PCDHGA2: variants seen among roughly 807,000 people sequenced by gnomAD.
PCDHGA2 encodes the protein protocadherin gamma-A2.
Under a neutral mutation model 59.2 loss-of-function variants are expected in PCDHGA2, and 40 were observed. The observed-to-expected ratio is 0.68, with a 90% CI of 0.52 to 0.88. PCDHGA2 has a LOEUF of 0.88. Among genes scored for constraint, PCDHGA2 ranks in the 40% least tolerant of loss-of-function variants. The pLI is 0.00. For missense variants in PCDHGA2, 1,226 were observed against 1,204.0 expected, an observed-to-expected ratio of 1.02 and a Z score of -0.27; for synonymous variants, 560 against 526.0, an observed-to-expected ratio of 1.06 and a Z score of -0.89.
chr5:141,356,659 A>T (rs779642478), intron 1 of PCDHGA2: 13 of 1,613,932 alleles, frequency 8.1e-6, no homozygotes, highest in Non-Finnish European at 1.0e-5. Flanking sequence ...CAATGCCCGA[A>T]TCACTTACTC....
chr5:141,395,123 TC>T, intron 1 of PCDHGA2: 1 of 1,614,148 alleles, frequency 6.2e-7, no homozygotes, highest in Non-Finnish European at 8.5e-7. Flanking sequence ...ACCTGATCTT[TC>T]CCCAGCCCAA....
At chr5:141,494,181 C>T (rs2099752517) in intron 1 of PCDHGA2, among the ~76,000 whole-genome samples, 1 of 152,136 alleles carries the variant, frequency 6.6e-6, no homozygotes, top group Non-Finnish European at 1.5e-5. Flanking sequence ...GAGAAGTGTC[C>T]CGGGACTTGG....
chr5:141,387,276 GAAAGAAAGATA>G (rs2090886505), intron 1 of PCDHGA2, among the ~76,000 whole-genome samples: 1 of 152,142 alleles, frequency 6.6e-6, no homozygotes, highest in Non-Finnish European at 1.5e-5. Context: ...TAGGAACAAT[GAAAGAAAGATA>G]AAATGTATCC....
At chr5:141,360,789 A>T (rs780273649) in intron 1 of PCDHGA2, 15 of 1,613,940 alleles carry the variant, frequency 9.3e-6, no homozygotes, top group Non-Finnish European at 1.2e-5. Context: ...TGGATGGCGG[A>T]GACCCACCTC....
Position 141,350,140 on chromosome 5 carries a change from C to G in PCDHGA2, c.2424+8745C>G, listed in dbSNP as rs1420873443. The G allele has an allele frequency of 6.2e-6, 5 of 805,908 alleles. No individual in the cohort carries two copies. The East Asian group carries it at 1.4e-4, about 23-fold the overall frequency. The allele number at this position is 805,908 out of a possible 1,614,324, so 49.9% of individuals were successfully genotyped here. A position where few individuals can be genotyped will look rare whatever the true frequency, so the allele number is the denominator to read the frequency against. ...CGGTGCACTGAGCACAGACGCTGCT[C>G]CTGTTCACCCTCGAGCGCCTAACTA... On this transcript the variant is annotated intron_variant, in intron 1 of 3. Coordinates refer to ENST00000394576, the MANE Select transcript of PCDHGA2 (RefSeq NM_018915.4).
chr5:141,346,650 T>A, intron 1 of PCDHGA2: 2 of 808,356 alleles, frequency 2.5e-6, no homozygotes, highest in Non-Finnish European at 3.9e-6. Context: ...TGAGTGGGCT[T>A]AGGGAAAAAA....
intron 1 of PCDHGA2, chr5:141,370,925 C>T (rs1292549749): frequency 1.9e-6 from 3 of 1,614,008 alleles, no homozygotes; most frequent in Non-Finnish European, 2.5e-6. Context: ...CTGATCCGCA[C>T]TTCTCTTTGA....
At chr5:141,384,071 C>A (rs1476893471) in intron 1 of PCDHGA2, 2 of 1,603,074 alleles carry the variant, frequency 1.2e-6, no homozygotes, top group Non-Finnish European at 1.7e-6. Context: ...GAAAACCTAC[C>A]TTTTAAATTA....
chr5:141,494,878 T>A lies in PCDHGA2; in HGVS notation c.2483+13T>A. Reference sequence around the variant, plus strand: ...CCGGCACCAGCGGGTAGGTGACTGATTCTCCAGCCCACCCTCTTCTCTGCG... The same window carrying A: ...CCGGCACCAGCGGGTAGGTGACTGAATCTCCAGCCCACCCTCTTCTCTGCG... On this transcript the variant is annotated intron_variant, in intron 2 of 3. Coordinates refer to ENST00000394576, the MANE Select transcript of PCDHGA2 (RefSeq NM_018915.4). The A allele has an allele frequency of 6.2e-7, 1 of 1,614,072 alleles. No homozygotes were observed. The highest frequency in any genetic ancestry group is 8.5e-7 in the Non-Finnish European group (1 of 1,179,986).
intron 1 of PCDHGA2, chr5:141,357,779 A>G (rs552540688): frequency 6.8e-6 from 6 of 880,964 alleles, no homozygotes; most frequent in South Asian, 3.7e-5. Flanking sequence ...ATAATGATCA[A>G]CAGTATTTAC....
intron 1 of PCDHGA2, chr5:141,414,517 G>A: frequency 6.2e-7 from 1 of 1,613,964 alleles, no homozygotes; most frequent in Non-Finnish European, 8.5e-7. Context: ...ACAAGTGGCA[G>A]ATATCAATGA....
At chr5:141,365,237 A>G (rs765751985) in intron 1 of PCDHGA2, 2 of 1,613,962 alleles carry the variant, frequency 1.2e-6, no homozygotes, top group East Asian at 4.5e-5. Flanking sequence ...GGAAATCTCA[A>G]CTCTACAATC....
intron 1 of PCDHGA2, among the ~76,000 whole-genome samples, chr5:141,443,771 A>G (rs1031470429): frequency 9.2e-5 from 14 of 152,238 alleles, no homozygotes; most frequent in African/African-American, 3.1e-4. Context: ...ATACAATATT[A>G]CCAAAAAGAC....
At chr5:141,360,732 T>G in intron 1 of PCDHGA2, 1 of 1,613,960 alleles carries the variant, frequency 6.2e-7, no homozygotes, top group Non-Finnish European at 8.5e-7. Flanking sequence ...TAAAACACTC[T>G]CTGGACAGAG....
chr5:141,394,558 C>T (rs2093032633), intron 1 of PCDHGA2: 4 of 1,614,108 alleles, frequency 2.5e-6, no homozygotes, highest in Non-Finnish European at 3.4e-6. Flanking sequence ...CCCCGCTCCG[C>T]AGAGCGTGGC....
At chr5:141,468,140 C>T (rs910524133) in intron 1 of PCDHGA2, among the ~76,000 whole-genome samples, 3 of 151,942 alleles carry the variant, frequency 2.0e-5, no homozygotes, top group African/African-American at 7.2e-5. Flanking sequence ...GCCTGGCCAA[C>T]ATGGTGAAAC....
At chr5:141,471,215 A>G (rs1562030197) in intron 1 of PCDHGA2, 1 of 149,038 alleles carries the variant, frequency 6.7e-6, no homozygotes, top group Non-Finnish European at 1.5e-5. Context: ...ATGCCTGGCA[A>G]TTTTTTTGTA....
chr5:141,351,953 C>A lies in PCDHGA2; in HGVS notation c.2424+10558C>A, dbSNP rs756372194. The A allele has an allele frequency of 6.8e-6, 11 of 1,612,880 alleles. No homozygotes were observed. The highest frequency in any genetic ancestry group is 1.7e-4 in the Middle Eastern group (1 of 5,978). On this transcript the variant is annotated intron_variant, in intron 1 of 3. Transcript: ENST00000394576. ...ACGGGTGCTGTACCCCGCGCTGGGGCCTGATGGCTCCGCCCTCTTCGATAT... is the reference window on the plus strand; with the variant it reads ...ACGGGTGCTGTACCCCGCGCTGGGGACTGATGGCTCCGCCCTCTTCGATAT...
intron 1 of PCDHGA2, chr5:141,415,740 G>GTTTTTTTTTTTTTGTTT (rs2095912299): frequency 1.9e-6 from 1 of 515,998 alleles, no homozygotes; most frequent in Non-Finnish European, 2.6e-6. Context: ...GTTTATTAAG[G>GTTTTTTTTTTTTTGTTT]TTTTTTTTTT....
Sources: allele counts gnomAD v4.1 joint callset (sites outside exome capture counted in the v4.1 genomes callset), GRCh38; gene constraint gnomAD v4.1.1; transcripts MANE v1.5; gene names NCBI Gene and HGNC (gene_info 2026-07-23, HGNC 2026-07-21).